The following DCLRE1B variants were observed in gnomAD, a reference collection of about 807,000 sequenced individuals.
DCLRE1B encodes the protein DNA cross-link repair 1B, also known as 5' exonuclease Apollo.
DCLRE1B carries 6 observed loss-of-function variants against 19.8 expected under a neutral mutation model. The ratio of observed to expected loss-of-function variants is 0.30; its 90% CI spans 0.17 to 0.60. The LOEUF is 0.60. DCLRE1B is among the 20% of genes least tolerant of loss of function. DCLRE1B has a pLI of 0.87. For synonymous variants in DCLRE1B, 258 were observed against 255.7 expected, an observed-to-expected ratio of 1.01 and a Z score of -0.09; for missense variants, 622 against 654.2, an observed-to-expected ratio of 0.95 and a Z score of 0.54.
chr1:113,906,919 T>A (rs1231639379), intron 1 of DCLRE1B, 77 bp from the exon 2 acceptor site: 38 of 1,533,996 alleles, frequency 2.5e-5, no homozygotes, highest in Non-Finnish European at 3.4e-5. Flanking sequence ...TCCTGATTCA[T>A]GTAAGGGATA....
At position 113,908,074 on chromosome 1, in the gene DCLRE1B, A is replaced by G; in HGVS notation, c.421A>G (p.Thr141Ala). The change falls in exon 3 of 4, where the codon ACT (threonine) becomes GCT (alanine). Residue 141 changes from threonine to alanine, a missense_variant. By Grantham distance (58) the Thr-to-Ala change is moderately conservative. Coordinates refer to ENST00000650450, the MANE Select transcript of DCLRE1B (RefSeq NM_022836.4). Reference protein sequence around the residue: ...PALTLGKQIHTLYLDNTNCNP... With the variant: ...PALTLGKQIHALYLDNTNCNP... ...CCTGACACTGGGGAAACAGATCCAT[A>G]CTTTATACCTAGACAACACCAATTG... is the stretch of plus-strand genomic sequence containing the variant. The G allele has an allele frequency of 1.2e-6, 2 of 1,614,168 alleles. No individual in the cohort carries two copies. Among genetic ancestry groups the G allele is most frequent in the East Asian group, 2.2e-5 (1 of 44,882 alleles).
At chr1:113,908,917 G>A (rs1045661497) in intron 3 of DCLRE1B, among the ~76,000 whole-genome samples, 1 of 152,192 alleles carries the variant, frequency 6.6e-6, no homozygotes. Flanking sequence ...GCACACAGTG[G>A]GCAAGGAGGC....
chr1:113,910,084 A>C (rs763421496), intron 3 of DCLRE1B, among the ~76,000 whole-genome samples: 27 of 152,274 alleles, frequency 1.8e-4, no homozygotes, highest in South Asian at 4.1e-4. Flanking sequence ...TTTCTCTGTA[A>C]GTACTATTTG....
At chr1:113,904,958 G>C (rs1440557544), upstream of DCLRE1B, 2 of 496,858 alleles carry the variant, frequency 4.0e-6, no homozygotes, top group African/African-American at 3.9e-5. Flanking sequence ...CCGGCAGGCC[G>C]TTCGCCCCGC....
At position 113,911,447 on chromosome 1, in the gene DCLRE1B, T is replaced by C. The variant is rs749236997; in HGVS notation, c.855T>C (p.Phe285=). 1 of 1,614,230 alleles carries C rather than the reference T, an allele frequency of 6.2e-7. No individual in the cohort carries two copies. The highest frequency in any genetic ancestry group is 1.1e-5 in the South Asian group (1 of 91,088). Reference sequence around the variant, plus strand: ...CCTCTTACTCCGAGCTTCGTGCCTTTGTCGCAGCACTGAAGCCTTGCCAGG... The same window carrying C: ...CCTCTTACTCCGAGCTTCGTGCCTTCGTCGCAGCACTGAAGCCTTGCCAGG... ...DHSSYSELRA[F]VAALKPCQVV... Residue 285 remains phenylalanine, a synonymous_variant, in exon 4 of 4, where the codon TTT becomes TTC. Transcript: ENST00000650450.
In DCLRE1B at chr1:113,907,995, A is replaced by G. The variant is rs1669103058; in HGVS notation, c.356-14A>G. 1.2e-6 allele frequency: 2 copies of G among 1,610,910 alleles called. No individual in the cohort carries two copies. Among genetic ancestry groups the G allele is most frequent in the African/African-American group, 2.7e-5 (2 of 74,774 alleles). ...TGTCTCTGACCTTCTGCCCCCATGT[A>G]CATATTCCTCCAGGTGATTTTCGAT... On this transcript the variant is annotated splice_polypyrimidine_tract_variant and intron_variant, in intron 2 of 3. Transcript: ENST00000650450.
chr1:113,908,401 C>A (rs150663390), intron 3 of DCLRE1B, among the ~76,000 whole-genome samples: 2 of 152,150 alleles, frequency 1.3e-5, no homozygotes, highest in Non-Finnish European at 2.9e-5. Context: ...TGAGCCCAGG[C>A]GTTTGAGACC....
rs780271003 is a variant in DCLRE1B at position 113,911,537 on chromosome 1, C to T, written c.945C>T (p.Ser315=). The change falls in exon 4 of 4, where the codon TCC becomes TCT. Residue 315 remains serine (S), a synonymous_variant. Coordinates refer to ENST00000650450, the MANE Select transcript of DCLRE1B (RefSeq NM_022836.4). ...GFQDSLSPRI[S]VPLIPDSVQQ... is the part of the protein sequence containing the mutation. ...AGGACAGTCTGAGCCCCAGGATCTC[C>T]GTGCCCCTGATTCCGGACTCTGTAC... is the stretch of plus-strand genomic sequence containing the variant. 1.6e-5 allele frequency: 26 copies of T among 1,613,150 alleles called. No homozygotes were observed. Among genetic ancestry groups the T allele is most frequent in the Middle Eastern group, 1.7e-4 (1 of 6,054 alleles).
At position 113,912,406 on chromosome 1, in the gene DCLRE1B, C is replaced by A. The variant is rs917329949; in HGVS notation, c.*215C>A. On this transcript the variant is annotated 3_prime_UTR_variant, in exon 4 of 4. Transcript: ENST00000650450. ...TTTTTATAACTAAGTTTAAGAAATA[C>A]TTTTTTTATAAAATCTTTGGAGTAT... is the stretch of plus-strand genomic sequence containing the variant. The A allele has an allele frequency of 1.0e-5, 5 of 477,468 alleles. No individual in the cohort carries two copies. The highest frequency in any genetic ancestry group is 5.9e-5 in the African/African-American group (3 of 50,940). 29.6% of individuals were successfully genotyped at this position (477,468 alleles called of 1,614,324 possible).
Position 113,905,493 on chromosome 1 carries a change from A to C in DCLRE1B, c.-94A>C. The C allele has an allele frequency of 7.5e-7, 1 of 1,325,454 alleles. No homozygotes were observed. Among genetic ancestry groups the C allele is most frequent in the Middle Eastern group, 1.9e-4 (1 of 5,308 alleles). The allele number at this position is 1,325,454 out of a possible 1,614,324, so 82.1% of individuals were successfully genotyped here. On this transcript the variant is annotated 5_prime_UTR_variant, in exon 1 of 4. Coordinates refer to ENST00000650450, the MANE Select transcript of DCLRE1B (RefSeq NM_022836.4). ...GGGTCTCTGGCCCTGTTCTTGCCCC[A>C]GCATGACTTTTATCGGGACGCCGTT... is the stretch of plus-strand genomic sequence containing the variant.
intron 1 of DCLRE1B, 112 bp from the exon 2 acceptor site, chr1:113,906,884 C>T (rs948760281): frequency 2.1e-5 from 25 of 1,188,760 alleles, no homozygotes; most frequent in Non-Finnish European, 2.8e-5. Context: ...CTTCTGCTCC[C>T]GGTGGCTCAG....
At chr1:113,907,713 A>T (rs1372270193) in intron 2 of DCLRE1B, among the ~76,000 whole-genome samples, 4 of 152,096 alleles carry the variant, frequency 2.6e-5, no homozygotes, top group Non-Finnish European at 5.9e-5. Context: ...ACCTCAGGTG[A>T]TCCACCTGGC....
rs1425182826 is a variant in DCLRE1B, at chr1:113,913,270, C to T, written c.*1079C>T. 2 of 152,766 alleles carry T rather than the reference C, an allele frequency of 1.3e-5. No homozygotes were observed. The highest frequency in any genetic ancestry group is 2.4e-5 in the African/African-American group (1 of 41,434). The allele number at this position is 152,766 out of a possible 1,614,324, so 9.5% of individuals were successfully genotyped here. A position where few individuals can be genotyped will look rare whatever the true frequency, so the allele number is the denominator to read the frequency against. ...GGAGTAGGCTCTGAGAGGGCACAGA[C>T]TTGTGGAGCTGGGCGTCTGGATCAA... On this transcript the variant is annotated 3_prime_UTR_variant, in exon 4 of 4. Transcript: ENST00000650450.
intron 3 of DCLRE1B, among the ~76,000 whole-genome samples, chr1:113,910,822 T>C (rs1669224924): frequency 6.6e-6 from 1 of 152,166 alleles, no homozygotes; most frequent in Admixed American, 6.5e-5. Flanking sequence ...ACGTTGCTCT[T>C]AATTGTGGTT....
intron 3 of DCLRE1B, among the ~76,000 whole-genome samples, chr1:113,909,672 G>T (rs1211184890): frequency 6.6e-6 from 1 of 152,156 alleles, no homozygotes. Context: ...AGCAAAGCTG[G>T]CTAGGAGGAT....
chr1:113,910,168 C>A (rs1009517558), intron 3 of DCLRE1B, among the ~76,000 whole-genome samples: 1 of 152,078 alleles, frequency 6.6e-6, no homozygotes, highest in African/African-American at 2.4e-5. Flanking sequence ...CCATATTTTT[C>A]TTTTTAAAGC....
chr1:113,911,951 A>C lies in DCLRE1B; in HGVS notation c.1359A>C (p.Leu453Phe). ...ISQKTREEIG[L>F]GSPLVPMGDD... ...AAAAAACCAGGGAGGAAATTGGTTTAGGGTCCCCCTTGGTACCCATGGGAG... is the reference window on the plus strand; with the variant it reads ...AAAAAACCAGGGAGGAAATTGGTTTCGGGTCCCCCTTGGTACCCATGGGAG... Residue 453 changes from leucine to phenylalanine, a missense_variant, in exon 4 of 4, where the codon TTA (leucine) becomes TTC (phenylalanine). By Grantham distance (22) the Leu-to-Phe change is conservative. This residue lies in a region of DCLRE1B where 382 missense variants were observed against 412.5 expected (regional missense o/e 0.93). Transcript: ENST00000650450. 2 of 1,614,194 alleles carry C rather than the reference A, an allele frequency of 1.2e-6. No homozygotes were observed. Among genetic ancestry groups the C allele is most frequent in the Non-Finnish European group, 1.7e-6 (2 of 1,180,024 alleles).
chr1:113,912,030 G>A lies in DCLRE1B; in HGVS notation c.1438G>A (p.Gly480Ser), dbSNP rs769993535. ...TGNQSAWMGH[G>S]SPLSHSSKGT... ...GAATCAGAGTGCCTGGATGGGCCAT[G>A]GTTCTCCCCTGTCCCACAGCAGCAA... Residue 480 changes from glycine (G) to serine (S), a missense_variant, in exon 4 of 4, where the codon GGT becomes AGT. By Grantham distance (56) the Gly-to-Ser change is moderately conservative. Coordinates refer to ENST00000650450, the MANE Select transcript of DCLRE1B (RefSeq NM_022836.4). 6.2e-7 allele frequency: 1 copy of A among 1,614,110 alleles called. No homozygotes were observed. The highest frequency in any genetic ancestry group is 1.3e-5 in the African/African-American group (1 of 74,934).
Position 113,908,102 on chromosome 1 carries a change from A to T in DCLRE1B, c.449A>T (p.Asn150Ile). ...HTLYLDNTNCNPALVLPSRQE... is the reference protein window; with the variant it reads ...HTLYLDNTNCIPALVLPSRQE... ...TTATACCTAGACAACACCAATTGCAATCCAGCCCTGGTTCTTCCTTCCCGA... is the reference window on the plus strand; with the variant it reads ...TTATACCTAGACAACACCAATTGCATTCCAGCCCTGGTTCTTCCTTCCCGA... Residue 150 changes from asparagine (N) to isoleucine (I), a missense_variant, in exon 3 of 4, where the codon AAT (asparagine) becomes ATT (isoleucine). Transcript: ENST00000650450. 6.2e-7 allele frequency: 1 copy of T among 1,614,168 alleles called. No individual in the cohort carries two copies. Among genetic ancestry groups the T allele is most frequent in the Non-Finnish European group, 8.5e-7 (1 of 1,180,026 alleles).
Sources: allele counts gnomAD v4.1 joint callset (sites outside exome capture counted in the v4.1 genomes callset), GRCh38; gene constraint gnomAD v4.1.1; regional missense constraint gnomAD v4.1.1; transcripts MANE v1.5; gene names NCBI Gene and HGNC (gene_info 2026-07-23, HGNC 2026-07-21).